Variants in ALK observed in about 807,000 individuals in gnomAD.
The protein encoded by ALK is ALK tyrosine kinase receptor.
ALK carries 74 observed loss-of-function variants against 163.1 expected under a neutral mutation model. The observed-to-expected ratio is 0.45, with a 90% CI of 0.38 to 0.55. ALK has a LOEUF of 0.55. ALK is among the 20% of genes least tolerant of loss of function. The probability of loss-of-function intolerance (pLI) is 0.00; values close to 1 mark genes in which losing one functional copy is unlikely to be tolerated. For synonymous variants in ALK, 960 were observed against 843.2 expected (o/e 1.14, Z -2.40); for missense variants, 2,063 against 2,105.3 (o/e 0.98, Z 0.39).
chr2:29,653,488 G>C (rs1558427156), intron 3 of ALK, among the ~76,000 whole-genome samples: 1 of 152,064 alleles, frequency 6.6e-6, no homozygotes. Context: ...TTGAAATCAT[G>C]ACTTTGCCTC....
At chr2:29,508,520 G>C (rs1300066673) in intron 4 of ALK, among the ~76,000 whole-genome samples, 1 of 151,880 alleles carries the variant, frequency 6.6e-6, no homozygotes, top group African/African-American at 2.4e-5. Context: ...CACCAGAAGG[G>C]GAACATCACA....
chr2:29,698,115 C>A (rs1190969120), intron 2 of ALK, among the ~76,000 whole-genome samples: 10 of 152,176 alleles, frequency 6.6e-5, no homozygotes, highest in Non-Finnish European at 1.5e-5. Flanking sequence ...AGACAACTTG[C>A]CTTCATAGTG....
At chr2:29,320,614 T>C in intron 7 of ALK, 137 bp downstream of exon 7, 1 of 1,207,460 alleles carries the variant, frequency 8.3e-7, no homozygotes. Context: ...GGGAATTGTG[T>C]GTGAACGCTC....
chr2:29,506,615 G>A (rs1672331526), intron 4 of ALK, among the ~76,000 whole-genome samples: 1 of 152,052 alleles, frequency 6.6e-6, no homozygotes, highest in African/African-American at 2.4e-5. Flanking sequence ...GCCTGGTGGT[G>A]GGTGCCTGTA....
chr2:29,646,236 T>A (rs1676870979), intron 3 of ALK, among the ~76,000 whole-genome samples: 3 of 152,140 alleles, frequency 2.0e-5, no homozygotes, highest in Admixed American at 2.0e-4. Flanking sequence ...ACCATTGAAG[T>A]CACTCTTGTT....
chr2:29,917,352 G>C (rs761080841), intron 1 of ALK, among the ~76,000 whole-genome samples: 2 of 152,194 alleles, frequency 1.3e-5, no homozygotes. Context: ...TATAATTGAA[G>C]AGCCCACATC....
intron 1 of ALK, among the ~76,000 whole-genome samples, chr2:29,758,317 GGTGGCT>G (rs1232958585): frequency 2.6e-5 from 4 of 152,122 alleles, no homozygotes; most frequent in Non-Finnish European, 5.9e-5. Context: ...GAGCACTGGG[GGTGGCT>G]GTGACTTTCC....
chr2:29,203,606 C>G (rs937584620), intron 26 of ALK, among the ~76,000 whole-genome samples: 4 of 147,096 alleles, frequency 2.7e-5, no homozygotes, highest in African/African-American at 1.0e-4. Flanking sequence ...CTGGCCTCAT[C>G]CTCCCAAGTA....
At chr2:29,750,306 G>A (rs1447498313) in intron 1 of ALK, among the ~76,000 whole-genome samples, 1 of 152,172 alleles carries the variant, frequency 6.6e-6, no homozygotes, top group Non-Finnish European at 1.5e-5. Flanking sequence ...GCATGTTACT[G>A]TACTGAATAC....
intron 1 of ALK, among the ~76,000 whole-genome samples, chr2:29,787,031 G>A (rs1281924023): frequency 2.6e-5 from 4 of 152,026 alleles, no homozygotes; most frequent in Admixed American, 6.6e-5. Flanking sequence ...TCCTGACCTC[G>A]TGATCTGCCC....
intron 8 of ALK, among the ~76,000 whole-genome samples, chr2:29,312,488 C>T (rs553231907): frequency 6.6e-6 from 1 of 152,262 alleles, no homozygotes; most frequent in Admixed American, 6.5e-5. Context: ...GCACTGGCCC[C>T]ACATGGCCAG....
chr2:29,844,526 G>A (rs1665789162), intron 1 of ALK, among the ~76,000 whole-genome samples: 1 of 152,294 alleles, frequency 6.6e-6, no homozygotes, highest in African/African-American at 2.4e-5. Flanking sequence ...TAGGTGAAAT[G>A]TTACTTGAAT....
chr2:29,828,104 G>A (rs1665252452), intron 1 of ALK, among the ~76,000 whole-genome samples: 1 of 152,144 alleles, frequency 6.6e-6, no homozygotes, highest in African/African-American at 2.4e-5. Flanking sequence ...TGGGAAAACT[G>A]GCTAGCCATA....
At chr2:29,627,923 G>C (rs983499004) in intron 3 of ALK, among the ~76,000 whole-genome samples, 1 of 152,200 alleles carries the variant, frequency 6.6e-6, no homozygotes, top group Non-Finnish European at 1.5e-5. Context: ...GCTGAAAGGG[G>C]AAAGGAATGA....
intron 1 of ALK, among the ~76,000 whole-genome samples, chr2:29,728,864 C>T (rs1476763492): frequency 6.6e-6 from 1 of 152,132 alleles, no homozygotes; most frequent in Non-Finnish European, 1.5e-5. Context: ...TGATTGCAAT[C>T]GAGAACAAGG....
In ALK at chr2:29,296,907, G is replaced by C; in HGVS notation, c.1798C>G (p.Leu600Val). 5 of 1,614,176 alleles carry C rather than the reference G, an allele frequency of 3.1e-6. No individual in the cohort carries two copies. Among genetic ancestry groups the C allele is most frequent in the South Asian group, 2.2e-5 (2 of 91,080 alleles). ...GCCTACCTGTCAGACACATCGAGGA[G>C]AGGCAACACCATCCACTGCCACAGG... is the stretch of plus-strand genomic sequence containing the variant. ...LSLWQWMVLP[L>V]LDVSDRFWLQ... Residue 600 changes from leucine to valine, a missense_variant, in exon 9 of 29, where the codon CTC becomes GTC. Physicochemically the swap from Leu to Val is conservative, Grantham distance 32. Transcript: ENST00000389048.
At chr2:29,396,356 AC>A (rs1410223585) in intron 4 of ALK, among the ~76,000 whole-genome samples, 5 of 152,116 alleles carry the variant, frequency 3.3e-5, no homozygotes, top group African/African-American at 1.2e-4. Flanking sequence ...TCCATTCTAC[AC>A]CCCGTGTCAG....
In ALK at chr2:29,232,410, G is replaced by A. The variant is rs145271283; in HGVS notation, c.2526C>T (p.Ala842=). 3.8e-4 allele frequency: 616 copies of A among 1,614,270 alleles called. 2 individuals carry two copies. Among genetic ancestry groups the A allele is most frequent in the Middle Eastern group, 2.5e-3 (15 of 6,062 alleles). The part of the protein sequence containing the change: ...DGVPVPLIIA[A]GGGGRAYGAK... Reference sequence around the variant, plus strand: ...CCCCGTAGGCCCTGCCACCACCTCCGGCTGCAATGATCAGGGGCACCGGCA... The same window carrying A: ...CCCCGTAGGCCCTGCCACCACCTCCAGCTGCAATGATCAGGGGCACCGGCA... The change falls in exon 15 of 29, where the codon GCC becomes GCT. Residue 842 remains alanine (A), a synonymous_variant. Coordinates refer to ENST00000389048, the MANE Select transcript of ALK (RefSeq NM_004304.5).
intron 4 of ALK, among the ~76,000 whole-genome samples, chr2:29,512,362 T>C (rs903513404): frequency 6.7e-6 from 1 of 148,582 alleles, no homozygotes; most frequent in African/African-American, 2.5e-5. Context: ...TCAATAAATG[T>C]AATCCAGCAT....
Sources: allele counts gnomAD v4.1 joint callset (sites outside exome capture counted in the v4.1 genomes callset), GRCh38; gene constraint gnomAD v4.1.1; transcripts MANE v1.5; gene names NCBI Gene and HGNC (gene_info 2026-07-23, HGNC 2026-07-21).